The following RAPGEF6 variants were observed in gnomAD, a reference collection of about 807,000 sequenced individuals.
RAPGEF6 encodes the protein Rap guanine nucleotide exchange factor 6, also known as PDZ domain containing guanine nucleotide exchange factor (GEF) 2.
Under a neutral mutation model 171.4 loss-of-function variants are expected in RAPGEF6, and 56 were observed. The observed-to-expected ratio is 0.33, with a 90% confidence interval of 0.26 to 0.41. The LOEUF (loss-of-function observed/expected upper bound fraction) is 0.41, where lower values mean the gene tolerates loss of function less well. RAPGEF6 is among the 10% of genes least tolerant of loss of function. The pLI is 1.00. For synonymous variants in RAPGEF6, 692 were observed against 650.1 expected (o/e 1.06, Z -0.98); for missense variants, 1,674 against 1,921.4 (o/e 0.87, Z 2.41).
At position 131,470,986 on chromosome 5, in the gene RAPGEF6, C is replaced by T. The variant is rs116033320; in HGVS notation, c.2239+1601G>A. Among the ~76,000 whole-genome samples, 233 of 152,308 alleles carry T rather than the reference C, an allele frequency of 1.5e-3. 1 individual carries two copies. Among genetic ancestry groups the T allele is most frequent in the African/African-American group, 5.4e-3 (224 of 41,570 alleles). ...CACTTCTTCTTCACCCTGGTAGTGACATTTCTTTTACGTGCCAAGAACTGA... is the reference window on the plus strand; with the variant it reads ...CACTTCTTCTTCACCCTGGTAGTGATATTTCTTTTACGTGCCAAGAACTGA... On this transcript the variant is annotated intron_variant, in intron 17 of 27. Coordinates refer to ENST00000509018, the MANE Select transcript of RAPGEF6 (RefSeq NM_016340.6).
intron 4 of RAPGEF6, among the ~76,000 whole-genome samples, chr5:131,585,591 C>T (rs1037115621): frequency 2.0e-5 from 3 of 152,018 alleles, no homozygotes; most frequent in Non-Finnish European, 4.4e-5. Flanking sequence ...TTTGGGAGGC[C>T]GAGGTGGATG....
chr5:131,499,985 G>A (rs1469459385), intron 11 of RAPGEF6, among the ~76,000 whole-genome samples: 3 of 152,094 alleles, frequency 2.0e-5, no homozygotes, highest in East Asian at 1.9e-4. Context: ...TGCAACTTCC[G>A]CCTCCTGGGT....
chr5:131,504,735 T>A lies in RAPGEF6; in HGVS notation c.1145A>T (p.His382Leu). The change falls in exon 11 of 28, where the codon CAT (histidine) becomes CTT (leucine). Residue 382 changes from histidine to leucine, a missense_variant. Physicochemically the swap from His to Leu is moderately conservative, Grantham distance 99 (BLOSUM62 -3). This residue lies in a region of RAPGEF6 where 1,116 missense variants were observed against 1,321.5 expected (regional missense o/e 0.84). Transcript: ENST00000509018. ...AACTTTATGGGTATTTTTTTCCACA[T>A]GGTTTAAAATTCTCCAATAATCTTG... The part of the protein sequence containing the change: ...AQQDYWRILN[H>L]VEKNTHKVEE... 6.2e-7 allele frequency: 1 copy of A among 1,613,828 alleles called. No individual in the cohort carries two copies. The highest frequency in any genetic ancestry group is 8.5e-7 in the Non-Finnish European group (1 of 1,179,888).
chr5:131,584,591 T>G (rs1254153720), intron 4 of RAPGEF6, among the ~76,000 whole-genome samples: 1 of 152,214 alleles, frequency 6.6e-6, no homozygotes, highest in Non-Finnish European at 1.5e-5. Context: ...TCACAAGATT[T>G]GCAACTCCCT....
At chr5:131,614,414 A>G (rs1318767782) in intron 1 of RAPGEF6, among the ~76,000 whole-genome samples, 1 of 152,098 alleles carries the variant, frequency 6.6e-6, no homozygotes, top group Non-Finnish European at 1.5e-5. Context: ...AGGCCTCAGG[A>G]AACTTAAAAT....
chr5:131,572,199 C>T (rs138313811), intron 4 of RAPGEF6, among the ~76,000 whole-genome samples: 17 of 152,188 alleles, frequency 1.1e-4, no homozygotes, highest in African/African-American at 3.4e-4. Flanking sequence ...GGAACTCCTT[C>T]GGGAGACCGG....
At chr5:131,481,061 G>A (rs567913498) in intron 15 of RAPGEF6, among the ~76,000 whole-genome samples, 2 of 151,994 alleles carry the variant, frequency 1.3e-5, no homozygotes, top group Admixed American at 6.6e-5. Context: ...AAGTAGCTGG[G>A]ATTACAGACA....
intron 15 of RAPGEF6, among the ~76,000 whole-genome samples, chr5:131,488,768 T>TA (rs1561505033): frequency 1.3e-5 from 2 of 152,200 alleles, no homozygotes; most frequent in South Asian, 2.1e-4. Flanking sequence ...AATTGTAACC[T>TA]AAAAAACCTA....
At chr5:131,430,572 T>C in intron 26 of RAPGEF6, 1 of 508,996 alleles carries the variant, frequency 2.0e-6, no homozygotes, top group South Asian at 1.7e-5. Flanking sequence ...AATGCGATGA[T>C]ATTCCTCAAT....
chr5:131,596,605 G>A (rs1391938252), intron 3 of RAPGEF6, among the ~76,000 whole-genome samples: 2 of 152,052 alleles, frequency 1.3e-5, no homozygotes, highest in Admixed American at 6.5e-5. Flanking sequence ...CAGACCAATA[G>A]AGCAGAATGG....
chr5:131,577,004 C>T (rs975919742), intron 4 of RAPGEF6, among the ~76,000 whole-genome samples: 3 of 152,166 alleles, frequency 2.0e-5, no homozygotes, highest in Admixed American at 1.3e-4. Flanking sequence ...TGCCCCCACA[C>T]AAGACTGGCA....
chr5:131,496,235 CTG>C (rs1405676995), intron 12 of RAPGEF6, among the ~76,000 whole-genome samples: 1 of 152,158 alleles, frequency 6.6e-6, no homozygotes, highest in Non-Finnish European at 1.5e-5. Context: ...ATTATAAACA[CTG>C]TAAATTTTCA....
intron 15 of RAPGEF6, among the ~76,000 whole-genome samples, chr5:131,483,204 C>T (rs534267615): frequency 2.6e-5 from 4 of 151,830 alleles, no homozygotes; most frequent in Non-Finnish European, 4.4e-5. Context: ...CAAAAATGAG[C>T]GGGGCACGGT....
At chr5:131,484,978 G>A (rs1755777917) in intron 15 of RAPGEF6, among the ~76,000 whole-genome samples, 1 of 152,270 alleles carries the variant, frequency 6.6e-6, no homozygotes. Flanking sequence ...CCAGGATGGA[G>A]TGCAGGGACA....
chr5:131,581,335 C>A (rs368919484), intron 4 of RAPGEF6, among the ~76,000 whole-genome samples: 1 of 152,196 alleles, frequency 6.6e-6, no homozygotes, highest in Admixed American at 6.5e-5. Context: ...ACCCACCTGG[C>A]TACTCTCTAA....
At chr5:131,486,283 A>T (rs1755882991) in intron 15 of RAPGEF6, among the ~76,000 whole-genome samples, 1 of 152,248 alleles carries the variant, frequency 6.6e-6, no homozygotes, top group Non-Finnish European at 1.5e-5. Context: ...ATATGGTCCC[A>T]GGAGTGGGAA....
intron 4 of RAPGEF6, among the ~76,000 whole-genome samples, chr5:131,564,331 C>G (rs1353895789): frequency 2.0e-5 from 3 of 152,126 alleles, no homozygotes; most frequent in Non-Finnish European, 2.9e-5. Flanking sequence ...TGAGTGAGTA[C>G]TGTGGATATG....
chr5:131,492,908 T>C (rs1580911747), intron 13 of RAPGEF6, 123 bp from the exon 14 acceptor site: 5 of 891,262 alleles, frequency 5.6e-6, no homozygotes, highest in Non-Finnish European at 6.9e-6. Flanking sequence ...GTAAACAAAA[T>C]TGAAGAAGGG....
chr5:131,449,211 A>G (rs1752906411), intron 21 of RAPGEF6, among the ~76,000 whole-genome samples: 1 of 152,234 alleles, frequency 6.6e-6, no homozygotes, highest in Non-Finnish European at 1.5e-5. Context: ...GATCTTTAAC[A>G]TTCTATGATT....
Sources: allele counts gnomAD v4.1 joint callset (sites outside exome capture counted in the v4.1 genomes callset), GRCh38; gene constraint gnomAD v4.1.1; regional missense constraint gnomAD v4.1.1; transcripts MANE v1.5; gene names NCBI Gene and HGNC (gene_info 2026-07-23, HGNC 2026-07-21).